Variants in NRG2 observed in about 807,000 individuals in gnomAD.
NRG2 encodes neuregulin 2.
NRG2 carries 27 observed loss-of-function variants against 73.9 expected under a neutral mutation model. The ratio of observed to expected loss-of-function variants is 0.37; its 90% CI spans 0.27 to 0.50. The LOEUF (loss-of-function observed/expected upper bound fraction) is 0.50. Ranked by LOEUF, NRG2 falls within the 20% of genes least tolerant of loss-of-function variation. The pLI is 0.96. For missense variants in NRG2, 1,126 were observed against 1,210.1 expected (o/e 0.93, Z 1.03); for synonymous variants, 532 against 541.0 (o/e 0.98, Z 0.23).
intron 1 of NRG2, among the ~76,000 whole-genome samples, chr5:139,985,751 C>T (rs974227548): frequency 2.6e-5 from 4 of 152,280 alleles, no homozygotes; most frequent in African/African-American, 4.8e-5. Context: ...CCCCTCTCCT[C>T]GAGCTCTATC....
intron 1 of NRG2, among the ~76,000 whole-genome samples, chr5:140,028,591 A>G (rs1394067279): frequency 6.6e-6 from 1 of 152,170 alleles, no homozygotes; most frequent in Non-Finnish European, 1.5e-5. Flanking sequence ...CCTGAACCTG[A>G]GCCTGATGCC....
intron 1 of NRG2, among the ~76,000 whole-genome samples, chr5:140,040,642 CCAA>C (rs1472652260): frequency 6.6e-6 from 1 of 152,138 alleles, no homozygotes; most frequent in African/African-American, 2.4e-5. Context: ...GAGCAACTCA[CCAA>C]CAACCAAACA....
chr5:139,898,289 G>C (rs1359830216), intron 1 of NRG2, among the ~76,000 whole-genome samples: 1 of 152,258 alleles, frequency 6.6e-6, no homozygotes, highest in Non-Finnish European at 1.5e-5. Context: ...TCATGGAACT[G>C]AGAGGAATCC....
chr5:139,899,888 T>C (rs983328370), intron 1 of NRG2, among the ~76,000 whole-genome samples: 1 of 152,176 alleles, frequency 6.6e-6, no homozygotes, highest in Non-Finnish European at 1.5e-5. Context: ...TAAGATCTCA[T>C]CCTGCCACTA....
intron 1 of NRG2, among the ~76,000 whole-genome samples, chr5:139,996,435 G>A (rs1028838917): frequency 6.6e-6 from 1 of 152,106 alleles, no homozygotes; most frequent in African/African-American, 2.4e-5. Flanking sequence ...ATACTATAAT[G>A]AACATCTAGG....
At chr5:140,039,707 C>A (rs1323576428) in intron 1 of NRG2, among the ~76,000 whole-genome samples, 1 of 152,074 alleles carries the variant, frequency 6.6e-6, no homozygotes, top group Non-Finnish European at 1.5e-5. Flanking sequence ...AAAAAAAACC[C>A]ACGGGCTTTC....
At chr5:139,863,347 T>C (rs1306285147) in intron 5 of NRG2, among the ~76,000 whole-genome samples, 1 of 152,258 alleles carries the variant, frequency 6.6e-6, no homozygotes, top group Non-Finnish European at 1.5e-5. Context: ...GGGAAAGTGC[T>C]TGAAGAGCAT....
intron 1 of NRG2, among the ~76,000 whole-genome samples, chr5:140,010,137 A>AAAAT (rs35976074): frequency 2.0e-5 from 3 of 152,122 alleles, no homozygotes; most frequent in African/African-American, 7.2e-5. Context: ...GTCTCTACTA[A>AAAAT]AAATACAAAA....
chr5:139,848,217 C>G lies in NRG2; in HGVS notation c.2253G>C (p.Leu751=). Residue 751 remains leucine, a synonymous_variant, in exon 10 of 10, where the codon CTG becomes CTC. Coordinates refer to ENST00000361474, the MANE Select transcript of NRG2 (RefSeq NM_004883.3). ...TCGCCGCCCGTGCGCGCTGCGCCGC[C>G]AGCCCGTTGAGGCGCGAGCGGCGCC... ...RRWRRSRLNG[L]AAQRARAARD... The G allele has an allele frequency of 2.4e-6, 3 of 1,234,286 alleles. No individual in the cohort carries two copies. Among genetic ancestry groups the G allele is most frequent in the Non-Finnish European group, 3.0e-6 (3 of 990,660 alleles). The allele number at this position is 1,234,286 out of a possible 1,614,324, so 76.5% of individuals were successfully genotyped here. A position where few individuals can be genotyped will look rare whatever the true frequency, so the allele number is the denominator to read the frequency against.
At chr5:139,867,762 CTGTGTGTG>C (rs367771225) in intron 4 of NRG2, among the ~76,000 whole-genome samples, 23 of 128,774 alleles carry the variant, frequency 1.8e-4, no homozygotes, top group Admixed American at 6.2e-4. Flanking sequence ...GAAGGGAAAC[CTGTGTGTG>C]TGTGTGTGTG....
At position 139,904,337 on chromosome 5, in the gene NRG2, G is replaced by T; in HGVS notation, c.701-16826C>A. ...TCCCCGGGATCGGGCTCCCTCTCCC[G>T]CTTCCTCCCCTCTGGGTGCTTCTTG... is the stretch of plus-strand genomic sequence containing the variant. On this transcript the variant is annotated intron_variant, in intron 1 of 9. Transcript: ENST00000361474. The surrounding 1 kb of genome is among the most constrained non-coding windows in gnomAD (Gnocchi z 6.0). 1 of 1,592,044 alleles carries T rather than the reference G, an allele frequency of 6.3e-7. No individual in the cohort carries two copies. The highest frequency in any genetic ancestry group is 1.1e-5 in the South Asian group (1 of 89,926).
chr5:140,010,699 G>T (rs1043587017), intron 1 of NRG2, among the ~76,000 whole-genome samples: 3 of 152,070 alleles, frequency 2.0e-5, no homozygotes, highest in Non-Finnish European at 4.4e-5. Flanking sequence ...GTACCTTAAG[G>T]TCACAGGTGA....
At chr5:140,039,937 AC>A (rs1484057173) in intron 1 of NRG2, among the ~76,000 whole-genome samples, 1 of 152,222 alleles carries the variant, frequency 6.6e-6, no homozygotes, top group Non-Finnish European at 1.5e-5. Flanking sequence ...AGAATAGAAA[AC>A]AGAAAATGAA....
intron 1 of NRG2, among the ~76,000 whole-genome samples, chr5:139,906,768 T>C (rs1461283638): frequency 6.6e-6 from 1 of 152,200 alleles, no homozygotes; most frequent in African/African-American, 2.4e-5. Flanking sequence ...AACAAACCTT[T>C]ATATATGTTG....
intron 6 of NRG2, among the ~76,000 whole-genome samples, chr5:139,854,287 C>T (rs945425565): frequency 6.6e-6 from 1 of 152,258 alleles, no homozygotes; most frequent in African/African-American, 2.4e-5. Flanking sequence ...CTCCTCTTCA[C>T]CTGCTAACTC....
rs185201868 is a variant in NRG2, at chr5:140,025,622, T to C, written c.700+16748A>G. Among the ~76,000 whole-genome samples, 6 of 152,332 alleles carry C rather than the reference T, an allele frequency of 3.9e-5. No individual in the cohort carries two copies. In the East Asian group the frequency reaches 1.2e-3, roughly 29 times the overall value. On this transcript the variant is annotated intron_variant, in intron 1 of 9. Transcript: ENST00000361474. The stretch of plus-strand genomic sequence containing the variant: ...CATATCAGAGATTTGGCTTTTTTTC[T>C]AAAGTAACTGTCTCAATTTACTGCC...
chr5:140,030,686 A>G (rs1390670236), intron 1 of NRG2, among the ~76,000 whole-genome samples: 1 of 152,222 alleles, frequency 6.6e-6, no homozygotes, highest in South Asian at 2.1e-4. Context: ...GCCTCCCTTC[A>G]ACTTACAAAT....
chr5:140,033,983 G>A (rs1430256104), intron 1 of NRG2, among the ~76,000 whole-genome samples: 1 of 150,498 alleles, frequency 6.6e-6, no homozygotes, highest in Non-Finnish European at 1.5e-5. Context: ...TTTTGACATG[G>A]AGTCTCGCTC....
At position 139,852,424 on chromosome 5, in the gene NRG2, G is replaced by C; in HGVS notation, c.1544+8C>G. 6 of 1,612,176 alleles carry C rather than the reference G, an allele frequency of 3.7e-6. No individual in the cohort carries two copies. Among genetic ancestry groups the C allele is most frequent in the African/African-American group, 1.3e-5 (1 of 74,954 alleles). On this transcript the variant is annotated splice_region_variant and intron_variant, in intron 8 of 9. Transcript: ENST00000361474. This position sits in a 1 kb window ranked among gnomAD's most constrained non-coding sequence, Gnocchi z 4.4. ...CTACAAGTTTCCATGGGCCTTGGTGGTGCCTACCTGTGGCTGGAGGTGGGT... is the reference window on the plus strand; with the variant it reads ...CTACAAGTTTCCATGGGCCTTGGTGCTGCCTACCTGTGGCTGGAGGTGGGT...
Sources: allele counts gnomAD v4.1 joint callset (sites outside exome capture counted in the v4.1 genomes callset), GRCh38; gene constraint gnomAD v4.1.1; non-coding constraint Gnocchi (gnomAD v3.1); transcripts MANE v1.5; gene names NCBI Gene and HGNC (gene_info 2026-07-23, HGNC 2026-07-21).